Variants in PPP3R1 observed in about 807,000 individuals in gnomAD.
The protein encoded by PPP3R1 is calcineurin subunit B type 1.
PPP3R1 carries 5 observed loss-of-function variants against 22.6 expected under a neutral mutation model. The observed-to-expected ratio is 0.22, with a 90% CI of 0.12 to 0.46. The LOEUF (loss-of-function observed/expected upper bound fraction) is 0.46. PPP3R1 is among the 20% of genes least tolerant of loss of function. The pLI is 0.99. For missense variants in PPP3R1, 61 were observed against 203.2 expected (o/e 0.30, Z 4.25); for synonymous variants, 56 against 65.2 (o/e 0.86, Z 0.68).
In PPP3R1 at chr2:68,252,525, C is replaced by G; in HGVS notation, c.-398G>C. On this transcript the variant is annotated 5_prime_UTR_variant, in exon 1 of 6. Coordinates refer to ENST00000234310, the MANE Select transcript of PPP3R1 (RefSeq NM_000945.4). ...AGCGGCTCGCGCTGACCCGCAACCTCAAGGCACGAAAAAAGGGGAGGGCGG... is the reference window on the plus strand; with the variant it reads ...AGCGGCTCGCGCTGACCCGCAACCTGAAGGCACGAAAAAAGGGGAGGGCGG... 1.1e-6 allele frequency: 1 copy of G among 900,066 alleles called. No individual in the cohort carries two copies. The highest frequency in any genetic ancestry group is 1.3e-6 in the Non-Finnish European group (1 of 798,696). 55.8% of individuals were successfully genotyped at this position (900,066 alleles called of 1,614,324 possible). A position where few individuals can be genotyped will look rare whatever the true frequency, so the allele number is the denominator to read the frequency against.
At chr2:68,192,312 A>G (rs1047715815) in intron 2 of PPP3R1, among the ~76,000 whole-genome samples, 4 of 152,200 alleles carry the variant, frequency 2.6e-5, no homozygotes, top group Non-Finnish European at 5.9e-5. Context: ...GAATTTAAAC[A>G]TAACAGATCA....
chr2:68,252,250 G>A lies in PPP3R1; in HGVS notation c.-123C>T, dbSNP rs1398291233. 12 of 1,085,448 alleles carry A rather than the reference G, an allele frequency of 1.1e-5. 1 individual carries two copies. The East Asian group carries it at 7.0e-4, about 64-fold the overall frequency. 67.2% of individuals were successfully genotyped at this position (1,085,448 alleles called of 1,614,324 possible). A position where few individuals can be genotyped will look rare whatever the true frequency, so the allele number is the denominator to read the frequency against. ...CCCTCGGGTCGCCGGCGGGGAGGGGGCGCGCGTGGGGGAGGGGAGGCGGCG... is the reference window on the plus strand; with the variant it reads ...CCCTCGGGTCGCCGGCGGGGAGGGGACGCGCGTGGGGGAGGGGAGGCGGCG... On this transcript the variant is annotated 5_prime_UTR_variant, in exon 1 of 6. Transcript: ENST00000234310.
chr2:68,202,792 A>ATTTTTTTTTTTTTTTTTTTTTTT (rs71395958), intron 2 of PPP3R1, among the ~76,000 whole-genome samples: 1 of 81,228 alleles, frequency 1.2e-5, no homozygotes, highest in African/African-American at 6.2e-5. Flanking sequence ...AGTTCAGGGA[A>ATTTTTTTTTTTTTTTTTTTTTTT]TTTTTTTTTT....
intron 1 of PPP3R1, among the ~76,000 whole-genome samples, chr2:68,247,798 C>T (rs1187410827): frequency 6.6e-6 from 1 of 152,196 alleles, no homozygotes; most frequent in Non-Finnish European, 1.5e-5. Flanking sequence ...TTTCTTCTAC[C>T]GCCTAAATGT....
At chr2:68,220,101 A>AAC (rs1669658471) in intron 1 of PPP3R1, among the ~76,000 whole-genome samples, 1 of 152,246 alleles carries the variant, frequency 6.6e-6, no homozygotes, top group Admixed American at 6.5e-5. Context: ...TATATAAGAA[A>AAC]ACAAAAGAGG....
At chr2:68,244,911 C>T (rs1177046374) in intron 1 of PPP3R1, among the ~76,000 whole-genome samples, 1 of 152,214 alleles carries the variant, frequency 6.6e-6, no homozygotes, top group Non-Finnish European at 1.5e-5. Context: ...GACAAGGCTT[C>T]TGCATTCACA....
chr2:68,220,788 T>A (rs55801147), intron 1 of PPP3R1, among the ~76,000 whole-genome samples: 61,626 of 151,980 alleles, frequency 0.41, 12,928 homozygotes, highest in South Asian at 0.62. Context: ...TCCATTTATA[T>A]GAAATATACT....
At chr2:68,190,057 T>C (rs1041905784) in intron 2 of PPP3R1, among the ~76,000 whole-genome samples, 5 of 151,190 alleles carry the variant, frequency 3.3e-5, no homozygotes, top group African/African-American at 1.2e-4. Context: ...AATTAAAGCA[T>C]ATATTTTAAA....
rs1382743070 is a variant in PPP3R1 at position 68,186,591 on chromosome 2, C to A, written c.342G>T (p.Gln114His). 6.2e-7 allele frequency: 1 copy of A among 1,612,720 alleles called. No individual in the cohort carries two copies. Residue 114 changes from glutamine to histidine, a missense_variant, in exon 5 of 6, where the codon CAG (glutamine) becomes CAT (histidine). Physicochemically the swap from Gln to His is conservative, Grantham distance 24. Coordinates refer to ENST00000234310, the MANE Select transcript of PPP3R1 (RefSeq NM_000945.4). Reference protein sequence around the residue: ...DGYISNGELFQVLKMMVGNNL... With the variant: ...DGYISNGELFHVLKMMVGNNL... ...TGTTCCCCACCATCATCTTCAATAC[C>A]TGGAAGAGTTCCCCATTGGAAATAT...
chr2:68,206,647 T>A (rs1675131903), intron 2 of PPP3R1, among the ~76,000 whole-genome samples: 1 of 152,216 alleles, frequency 6.6e-6, no homozygotes, highest in African/African-American at 2.4e-5. Context: ...TTTTCTTAAT[T>A]TCCTTAACCA....
At chr2:68,241,004 T>A (rs941304800) in intron 1 of PPP3R1, among the ~76,000 whole-genome samples, 2 of 152,076 alleles carry the variant, frequency 1.3e-5, no homozygotes, top group Non-Finnish European at 2.9e-5. Context: ...CCCGACAAGG[T>A]CCAACATTAC....
chr2:68,198,250 T>C (rs960528306), intron 2 of PPP3R1, among the ~76,000 whole-genome samples: 24 of 145,808 alleles, frequency 1.6e-4, no homozygotes, highest in Non-Finnish European at 1.8e-4. Context: ...CATATGTACA[T>C]ACATATGTAT....
At chr2:68,245,097 C>T (rs541721001) in intron 1 of PPP3R1, among the ~76,000 whole-genome samples, 2 of 152,160 alleles carry the variant, frequency 1.3e-5, no homozygotes, top group Non-Finnish European at 2.9e-5. Context: ...TAGGCCAGGC[C>T]TGGTGGTTCA....
intron 2 of PPP3R1, among the ~76,000 whole-genome samples, chr2:68,209,627 A>C (rs1017717306): frequency 2.0e-5 from 3 of 151,764 alleles, no homozygotes; most frequent in Non-Finnish European, 4.4e-5. Context: ...GAGTGGTGGT[A>C]CATGCCTGTG....
rs1674356078 is a variant in PPP3R1 at position 68,179,375 on chromosome 2, G to C, written c.*1588C>G. 6.6e-6 allele frequency: 1 copy of C among 152,598 alleles called. No homozygotes were observed. Among genetic ancestry groups the C allele is most frequent in the South Asian group, 2.1e-4 (1 of 4,828 alleles). 9.5% of individuals were successfully genotyped at this position (152,598 alleles called of 1,614,324 possible). On this transcript the variant is annotated 3_prime_UTR_variant, in exon 6 of 6. Coordinates refer to ENST00000234310, the MANE Select transcript of PPP3R1 (RefSeq NM_000945.4). ...GTAAACAAGAGGTACATTTTAAATT[G>C]ATCTACATGCAAAACTCCATGTCAT...
At chr2:68,224,432 G>A (rs186202246) in intron 1 of PPP3R1, among the ~76,000 whole-genome samples, 6 of 152,226 alleles carry the variant, frequency 3.9e-5, no homozygotes, top group East Asian at 3.9e-4. Context: ...AGGCCGAGGC[G>A]AGTGGATCAC....
chr2:68,225,936 TA>T (rs1205582016), intron 1 of PPP3R1, among the ~76,000 whole-genome samples: 1 of 152,170 alleles, frequency 6.6e-6, no homozygotes, highest in Non-Finnish European at 1.5e-5. Flanking sequence ...GGAAACAACC[TA>T]AATGTCTTCA....
At chr2:68,243,110 A>G (rs1026734304) in intron 1 of PPP3R1, among the ~76,000 whole-genome samples, 1 of 152,166 alleles carries the variant, frequency 6.6e-6, no homozygotes, top group Non-Finnish European at 1.5e-5. Context: ...TACTTACAAG[A>G]AATATTTAAA....
chr2:68,223,176 C>CT (rs1669718735), intron 1 of PPP3R1, among the ~76,000 whole-genome samples: 1 of 152,154 alleles, frequency 6.6e-6, no homozygotes, highest in South Asian at 2.1e-4. Flanking sequence ...AGGAGTATCA[C>CT]TTAAGGTCAG....
Sources: allele counts gnomAD v4.1 joint callset (sites outside exome capture counted in the v4.1 genomes callset), GRCh38; gene constraint gnomAD v4.1.1; transcripts MANE v1.5; gene names NCBI Gene and HGNC (gene_info 2026-07-23, HGNC 2026-07-21).